The following UBE3C variants were observed in gnomAD, a reference collection of about 807,000 sequenced individuals.
The protein encoded by UBE3C is ubiquitin-protein ligase E3C.
A neutral mutation model predicts 129.4 loss-of-function variants in UBE3C; 42 were observed. The ratio of observed to expected loss-of-function variants is 0.32; its 90% CI spans 0.25 to 0.42. The LOEUF (loss-of-function observed/expected upper bound fraction) is 0.42, where lower values mean the gene tolerates loss of function less well. Ranked by LOEUF, UBE3C falls within the 10% of genes least tolerant of loss-of-function variation. UBE3C has a pLI of 1.00. For synonymous variants in UBE3C, 510 were observed against 492.4 expected, an observed-to-expected ratio of 1.04 and a Z score of -0.47; for missense variants, 1,049 against 1,319.1, an observed-to-expected ratio of 0.80 and a Z score of 3.17.
In UBE3C at chr7:157,182,231, G is replaced by C. The variant is rs1431080262; in HGVS notation, c.894G>C (p.Leu298=). The C allele has an allele frequency of 6.2e-7, 1 of 1,614,200 alleles. No individual in the cohort carries two copies. The highest frequency in any genetic ancestry group is 8.5e-7 in the Non-Finnish European group (1 of 1,180,034). The change falls in exon 8 of 23, where the codon CTG becomes CTC. Residue 298 remains leucine (L), a synonymous_variant. Coordinates refer to ENST00000348165, the MANE Select transcript of UBE3C (RefSeq NM_014671.3). ...CCGTTTTCCCTTACGAGCCCTTTCTGAATGCACTGTTGTTAATAGAGAGTA... is the reference window on the plus strand; with the variant it reads ...CCGTTTTCCCTTACGAGCCCTTTCTCAATGCACTGTTGTTAATAGAGAGTA... ...AQTVFPYEPF[L]NALLLIESRC...
At chr7:157,230,304 C>A (rs1351048361) in intron 17 of UBE3C, among the ~76,000 whole-genome samples, 1 of 152,010 alleles carries the variant, frequency 6.6e-6, no homozygotes, top group African/African-American at 2.4e-5. Flanking sequence ...TCAGGGTTGT[C>A]CAATCCTTTG....
intron 5 of UBE3C, among the ~76,000 whole-genome samples, chr7:157,177,825 G>T (rs1296532916): frequency 6.6e-6 from 1 of 152,070 alleles, no homozygotes; most frequent in Admixed American, 6.5e-5. Context: ...TCCCCTCCTG[G>T]CAGGGCAGAA....
At chr7:157,153,827 C>CAAAA (rs548970904) in intron 1 of UBE3C, among the ~76,000 whole-genome samples, 1 of 151,130 alleles carries the variant, frequency 6.6e-6, no homozygotes, top group Non-Finnish European at 1.5e-5. Context: ...AAATACAAAA[C>CAAAA]AAACAAACAA....
chr7:157,138,960 C>G lies in UBE3C; in HGVS notation c.-313C>G, dbSNP rs1005405148. On this transcript the variant is annotated 5_prime_UTR_variant, in exon 1 of 23. Coordinates refer to ENST00000348165, the MANE Select transcript of UBE3C (RefSeq NM_014671.3). ...GACGGCTGACCGCCATCTTCCCTCC[C>G]GAGGCGGCAGTTCCAGGTGCAAGCG... The G allele has an allele frequency of 2.0e-5, 3 of 152,228 alleles. No homozygotes were observed. Among genetic ancestry groups the G allele is most frequent in the African/African-American group, 7.2e-5 (3 of 41,418 alleles). The allele number at this position is 152,228 out of a possible 1,614,324, so 9.4% of individuals were successfully genotyped here.
At chr7:157,176,512 TC>T (rs1808522194) in intron 5 of UBE3C, among the ~76,000 whole-genome samples, 1 of 152,210 alleles carries the variant, frequency 6.6e-6, no homozygotes, top group Non-Finnish European at 1.5e-5. Flanking sequence ...TGACCTCAGG[TC>T]ATCCGCCTGC....
At chr7:157,221,840 A>G (rs1357949022) in intron 15 of UBE3C, 2 of 151,798 alleles carry the variant, frequency 1.3e-5, no homozygotes, top group African/African-American at 4.8e-5. Context: ...CATCTTTTTC[A>G]TGAATTTGTT....
intron 18 of UBE3C, among the ~76,000 whole-genome samples, chr7:157,246,969 CA>C (rs1168528947): frequency 6.6e-6 from 1 of 152,238 alleles, no homozygotes; most frequent in East Asian, 1.9e-4. Flanking sequence ...CGGCTCACTG[CA>C]ACCTCCACCT....
chr7:157,147,911 C>G (rs951900643), intron 1 of UBE3C, among the ~76,000 whole-genome samples: 4 of 152,060 alleles, frequency 2.6e-5, no homozygotes, highest in Admixed American at 1.3e-4. Context: ...ATGCATAATT[C>G]TTTGTATACG....
At chr7:157,149,033 C>A (rs1393182112) in intron 1 of UBE3C, among the ~76,000 whole-genome samples, 2 of 151,798 alleles carry the variant, frequency 1.3e-5, no homozygotes, top group Non-Finnish European at 2.9e-5. Context: ...GACTGTAGTT[C>A]CCTGCTATAG....
chr7:157,207,053 G>C (rs1809453657), intron 11 of UBE3C, among the ~76,000 whole-genome samples: 1 of 152,180 alleles, frequency 6.6e-6, no homozygotes, highest in Admixed American at 6.5e-5. Flanking sequence ...TTCCTCATAA[G>C]AGTAAAGTAC....
chr7:157,184,412 G>A (rs1204182710), intron 9 of UBE3C, among the ~76,000 whole-genome samples: 1 of 152,000 alleles, frequency 6.6e-6, no homozygotes, highest in Non-Finnish European at 1.5e-5. Flanking sequence ...ATTTTATAGA[G>A]GATAAATGTT....
In UBE3C at chr7:157,267,613, A is replaced by G; in HGVS notation, c.3110A>G (p.Asn1037Ser). Residue 1037 changes from asparagine (N) to serine (S), a missense_variant, in exon 23 of 23, where the codon AAC becomes AGC. Physicochemically the swap from Asn to Ser is conservative, Grantham distance 46. Around this residue, in one of 4 missense-constraint regions of UBE3C, gnomAD observed 243 missense variants for 368.7 expected, o/e 0.66. Transcript: ENST00000348165. ...TTGTATCCCGCATTTTGTATTCACA[A>G]CGGAGGCTCCGACCTTGAGCGGCTC... ...KELYPAFCIH[N>S]GGSDLERLPT... 2 of 1,613,264 alleles carry G rather than the reference A, an allele frequency of 1.2e-6. No homozygotes were observed. Among genetic ancestry groups the G allele is most frequent in the East Asian group, 2.2e-5 (1 of 44,822 alleles).
chr7:157,261,667 G>A (rs1364985446), intron 22 of UBE3C, among the ~76,000 whole-genome samples: 2 of 152,168 alleles, frequency 1.3e-5, no homozygotes, highest in African/African-American at 4.8e-5. Flanking sequence ...ACTATAAATA[G>A]CAAAGGCAGG....
intron 10 of UBE3C, among the ~76,000 whole-genome samples, chr7:157,199,704 C>G (rs1300652113): frequency 6.6e-6 from 1 of 151,948 alleles, no homozygotes; most frequent in Non-Finnish European, 1.5e-5. Flanking sequence ...CTCCTGACCT[C>G]AAGTGATCCA....
intron 18 of UBE3C, among the ~76,000 whole-genome samples, chr7:157,245,976 G>A (rs1796462577): frequency 7.1e-6 from 1 of 140,530 alleles, no homozygotes; most frequent in African/African-American, 2.8e-5. Context: ...CCGGGCAACA[G>A]AGGGAGACTC....
intron 8 of UBE3C, 50 bp from the exon 9 acceptor site, chr7:157,183,828 T>A (rs1586670597): frequency 1.3e-6 from 2 of 1,567,124 alleles, no homozygotes; most frequent in Non-Finnish European, 1.7e-6. Flanking sequence ...TTTTCCATTT[T>A]AAAAAATAAT....
At chr7:157,253,266 G>T (rs1384307462) in intron 19 of UBE3C, among the ~76,000 whole-genome samples, 1 of 152,140 alleles carries the variant, frequency 6.6e-6, no homozygotes, top group Non-Finnish European at 1.5e-5. Flanking sequence ...TACAAGTGGG[G>T]GACAGTAAGA....
At chr7:157,235,170 CAAGAG>C (rs1796123350) in intron 18 of UBE3C, among the ~76,000 whole-genome samples, 1 of 151,862 alleles carries the variant, frequency 6.6e-6, no homozygotes, top group African/African-American at 2.4e-5. Context: ...AGCCTGGCAA[CAAGAG>C]CAAAACTCTG....
chr7:157,220,831 C>G, intron 15 of UBE3C, 55 bp downstream of exon 15: 1 of 1,574,736 alleles, frequency 6.4e-7, no homozygotes, highest in East Asian at 2.3e-5. Flanking sequence ...CTGTCAAATT[C>G]ACTCCTTTAA....
Sources: gnomAD v4.1 joint callset for allele counts (sites outside exome capture counted in the v4.1 genomes callset) on GRCh38, gnomAD v4.1.1 for gene constraint, gnomAD v4.1.1 regional missense constraint, MANE v1.5 for transcripts, NCBI Gene and HGNC (gene_info 2026-07-23, HGNC 2026-07-21) for gene names.